Variants in DENND6A observed in about 807,000 individuals in gnomAD.
DENND6A encodes DENN domain containing 6A.
A neutral mutation model predicts 95.5 loss-of-function variants in DENND6A; 43 were observed. The ratio of observed to expected loss-of-function variants is 0.45; its 90% CI spans 0.35 to 0.58. The LOEUF is 0.58. Ranked by LOEUF, DENND6A falls within the 20% of genes least tolerant of loss-of-function variation. The pLI is 0.00. For synonymous variants in DENND6A, 257 were observed against 260.4 expected, an observed-to-expected ratio of 0.99 and a Z score of 0.13; for missense variants, 574 against 736.0, an observed-to-expected ratio of 0.78 and a Z score of 2.55.
At chr3:57,659,304 G>A in intron 7 of DENND6A, 124 bp from the exon 8 acceptor site, 1 of 951,206 alleles carries the variant, frequency 1.1e-6, no homozygotes. Context: ...AATTATCTAT[G>A]TCAGAGTTAA....
chr3:57,639,299 C>T (rs1336596654), intron 12 of DENND6A, among the ~76,000 whole-genome samples: 1 of 152,172 alleles, frequency 6.6e-6, no homozygotes, highest in Non-Finnish European at 1.5e-5. Context: ...TAGGAACCCT[C>T]ATACATTGCT....
chr3:57,661,727 T>C (rs1272671953), intron 5 of DENND6A, among the ~76,000 whole-genome samples, 176 bp from the exon 6 acceptor site: 2 of 152,214 alleles, frequency 1.3e-5, no homozygotes, highest in African/African-American at 4.8e-5. Context: ...AAGTTTAACC[T>C]TATTGCTACA....
At chr3:57,651,569 T>G (rs1473597374) in intron 9 of DENND6A, among the ~76,000 whole-genome samples, 1 of 152,168 alleles carries the variant, frequency 6.6e-6, no homozygotes, top group African/African-American at 2.4e-5. Flanking sequence ...GATGAAAATG[T>G]TCTGGAATTA....
chr3:57,669,573 G>A (rs936898339), intron 3 of DENND6A, among the ~76,000 whole-genome samples: 1 of 151,684 alleles, frequency 6.6e-6, no homozygotes, highest in Non-Finnish European at 1.5e-5. Context: ...AAATTAGCCA[G>A]GCGTGGTGGT....
intron 11 of DENND6A, among the ~76,000 whole-genome samples, chr3:57,644,307 C>CA (rs1383571504): frequency 6.6e-6 from 1 of 151,766 alleles, no homozygotes; most frequent in Non-Finnish European, 1.5e-5. Context: ...TAGAGATTTA[C>CA]AAAAAAATTT....
At chr3:57,679,362 C>A (rs1010974492) in intron 1 of DENND6A, 3 of 347,990 alleles carry the variant, frequency 8.6e-6, no homozygotes, top group African/African-American at 6.7e-5. Context: ...CTTTCTTTTT[C>A]ATTGTTGTTG....
chr3:57,677,765 CTT>C (rs1023154966), intron 1 of DENND6A, among the ~76,000 whole-genome samples: 16 of 152,024 alleles, frequency 1.1e-4, no homozygotes, highest in African/African-American at 3.9e-4. Flanking sequence ...ATCATGGTTG[CTT>C]TTTTTCCTTG....
At chr3:57,650,677 A>T (rs868460081) in intron 9 of DENND6A, among the ~76,000 whole-genome samples, 3 of 152,222 alleles carry the variant, frequency 2.0e-5, no homozygotes, top group Admixed American at 2.0e-4. Context: ...ACAAAGACGT[A>T]TACACAAATG....
chr3:57,645,548 A>T, intron 11 of DENND6A, 113 bp downstream of exon 11: 1 of 688,616 alleles, frequency 1.5e-6, no homozygotes, highest in Non-Finnish European at 2.3e-6. Flanking sequence ...GCAGCTCCTC[A>T]AACTTTCCTT....
chr3:57,645,853 G>A, intron 10 of DENND6A, 97 bp from the exon 11 acceptor site: 1 of 770,228 alleles, frequency 1.3e-6, no homozygotes, highest in East Asian at 2.8e-5. Context: ...TACACACAAA[G>A]GGATACTTTG....
intron 1 of DENND6A, among the ~76,000 whole-genome samples, chr3:57,675,806 T>C (rs941808081): frequency 2.0e-5 from 3 of 152,186 alleles, no homozygotes; most frequent in African/African-American, 2.4e-5. Context: ...TGACAAAAAT[T>C]ACACACTCAG....
At chr3:57,663,342 G>C (rs1004900892) in intron 5 of DENND6A, among the ~76,000 whole-genome samples, 2 of 149,502 alleles carry the variant, frequency 1.3e-5, no homozygotes, top group African/African-American at 4.9e-5. Flanking sequence ...GCGGGCACCT[G>C]TAATCCCAGC....
chr3:57,630,686 T>G (rs763029829), intron 17 of DENND6A, 29 bp downstream of exon 17: 16 of 1,596,702 alleles, frequency 1.0e-5, no homozygotes, highest in Non-Finnish European at 1.3e-5. Context: ...GCACGACACA[T>G]GGGTGTAAAA....
intron 3 of DENND6A, among the ~76,000 whole-genome samples, 187 bp downstream of exon 3, chr3:57,672,069 C>T (rs1347260830): frequency 2.6e-5 from 4 of 152,176 alleles, no homozygotes; most frequent in African/African-American, 9.7e-5. Flanking sequence ...CACACCATAA[C>T]AGTTATTTTA....
At chr3:57,676,839 T>C (rs528842233) in intron 1 of DENND6A, among the ~76,000 whole-genome samples, 4 of 152,328 alleles carry the variant, frequency 2.6e-5, no homozygotes, top group Non-Finnish European at 5.9e-5. Context: ...TTTTTATTTT[T>C]TTGAGACAGA....
rs762751793 is a variant in DENND6A, at chr3:57,628,338, G to A, written c.1703C>T (p.Ala568Val). ...TTTCACAGGTAAGTGCTCTCGATCA[G>A]CCTGCAACTACATAAGGAACATTTC... Reference protein sequence around the residue: ...VLKLKNKLLQADREHLPVKPD... With the variant: ...VLKLKNKLLQVDREHLPVKPD... Residue 568 changes from alanine (A) to valine (V), a missense_variant, in exon 20 of 20, where the codon GCT (alanine) becomes GTT (valine). Around this residue, in one of 2 missense-constraint regions of DENND6A, gnomAD observed 452 missense variants for 630.9 expected, o/e 0.72. Transcript: ENST00000311128. 2.7e-5 allele frequency: 43 copies of A among 1,613,578 alleles called. No homozygotes were observed. The highest frequency in any genetic ancestry group is 3.5e-5 in the Non-Finnish European group (41 of 1,179,856).
intron 9 of DENND6A, among the ~76,000 whole-genome samples, chr3:57,655,753 A>G (rs2071312305): frequency 6.6e-6 from 1 of 152,338 alleles, no homozygotes; most frequent in South Asian, 2.1e-4. Flanking sequence ...CAAATGCAAA[A>G]AAGTCCAAAA....
rs528312209 is a variant in DENND6A at position 57,628,113 on chromosome 3, C to G, written c.*101G>C. 18 of 1,500,522 alleles carry G rather than the reference C, an allele frequency of 1.2e-5. No homozygotes were observed. In the African/African-American group the frequency reaches 2.5e-4, roughly 21 times the overall value. 93.0% of individuals were successfully genotyped at this position (1,500,522 alleles called of 1,614,324 possible). A position where few individuals can be genotyped will look rare whatever the true frequency, so the allele number is the denominator to read the frequency against. On this transcript the variant is annotated 3_prime_UTR_variant, in exon 20 of 20. Transcript: ENST00000311128. Reference sequence around the variant, plus strand: ...TGTAACTAGCATTCATGGCAATTTTCCACTCCGCTGCCACTGAGAGATCTC... The same window carrying G: ...TGTAACTAGCATTCATGGCAATTTTGCACTCCGCTGCCACTGAGAGATCTC...
At chr3:57,659,705 A>G (rs746814563) in intron 7 of DENND6A, among the ~76,000 whole-genome samples, 4 of 152,244 alleles carry the variant, frequency 2.6e-5, no homozygotes, top group Non-Finnish European at 4.4e-5. Context: ...CACTTAGGGT[A>G]CAACCTATAC....
Sources: allele counts gnomAD v4.1 joint callset (sites outside exome capture counted in the v4.1 genomes callset), GRCh38; gene constraint gnomAD v4.1.1; regional missense constraint gnomAD v4.1.1; transcripts MANE v1.5; gene names NCBI Gene and HGNC (gene_info 2026-07-23, HGNC 2026-07-21).